The following CLEC16A variants were observed in gnomAD, a reference collection of about 807,000 sequenced individuals.
CLEC16A encodes C-type lectin domain containing 16A, also known as protein CLEC16A.
A neutral mutation model predicts 109.5 loss-of-function variants in CLEC16A; 51 were observed. The ratio of observed to expected loss-of-function variants is 0.47; its 90% CI spans 0.37 to 0.59. The LOEUF is 0.59. Ranked by LOEUF, CLEC16A falls within the 20% of genes least tolerant of loss-of-function variation. The pLI is 0.00. For synonymous variants in CLEC16A, 673 were observed against 564.2 expected (o/e 1.19, Z -2.73); for missense variants, 1,339 against 1,394.0 (o/e 0.96, Z 0.63).
At chr16:10,964,024 G>A (rs2042381323) in intron 3 of CLEC16A, among the ~76,000 whole-genome samples, 1 of 152,252 alleles carries the variant, frequency 6.6e-6, no homozygotes, top group African/African-American at 2.4e-5. Flanking sequence ...GGCCCTGCCC[G>A]CCAGAAGTGG....
chr16:10,950,465 C>T (rs1328405222), intron 1 of CLEC16A, among the ~76,000 whole-genome samples: 1 of 152,204 alleles, frequency 6.6e-6, no homozygotes, highest in Non-Finnish European at 1.5e-5. Flanking sequence ...AGGGCTAAAG[C>T]CCTAAAGAAA....
chr16:11,158,444 G>A (rs1298882199), intron 22 of CLEC16A, among the ~76,000 whole-genome samples: 6 of 152,192 alleles, frequency 3.9e-5, no homozygotes, highest in Non-Finnish European at 7.3e-5. Context: ...TCTTAGGGCA[G>A]GCAGCTCTCC....
chr16:11,178,524 C>T lies in CLEC16A; in HGVS notation c.2996C>T (p.Ala999Val). 1 of 1,613,340 alleles carries T rather than the reference C, an allele frequency of 6.2e-7. No homozygotes were observed. Among genetic ancestry groups the T allele is most frequent in the Non-Finnish European group, 8.5e-7 (1 of 1,179,876 alleles). Residue 999 changes from alanine to valine, a missense_variant, in exon 24 of 24, where the codon GCT becomes GTT. Physicochemically the swap from Ala to Val is moderately conservative, Grantham distance 64 (BLOSUM62 0). Around this residue, in one of 3 missense-constraint regions of CLEC16A, gnomAD observed 1,061 missense variants for 1,006.8 expected, o/e 1.05. Transcript: ENST00000409790. This position sits in a 1 kb window ranked among gnomAD's most constrained non-coding sequence, Gnocchi z 6.5. ...PTISLLCEDTADTLSVESLTL... is the reference protein window; with the variant it reads ...PTISLLCEDTVDTLSVESLTL... ...ATTTCCCTGCTCTGCGAGGACACGG[C>T]TGACACGCTGAGCGTCGAATCGCTG...
chr16:11,036,544 C>CTTTTTT (rs71404440), intron 13 of CLEC16A, among the ~76,000 whole-genome samples: 12 of 131,902 alleles, frequency 9.1e-5, no homozygotes, highest in African/African-American at 1.8e-4. Context: ...TCTAATTTTC[C>CTTTTTT]TTTTTTTTTT....
intron 18 of CLEC16A, chr16:11,056,406 TATG>T (rs950986010): frequency 1.3e-5 from 2 of 152,160 alleles, no homozygotes; most frequent in Non-Finnish European, 2.9e-5. Context: ...AGCAGTCTAG[TATG>T]TAAGGTGGGA....
chr16:10,990,067 C>G (rs1195998493), intron 10 of CLEC16A, among the ~76,000 whole-genome samples: 2 of 152,150 alleles, frequency 1.3e-5, no homozygotes, highest in Non-Finnish European at 2.9e-5. Context: ...CCTGAAAATG[C>G]TAATAGGCTT....
intron 19 of CLEC16A, 138 bp from the exon 20 acceptor site, chr16:11,120,477 A>T: frequency 1.2e-6 from 1 of 821,492 alleles, no homozygotes; most frequent in Non-Finnish European, 1.8e-6. Flanking sequence ...AGGGACTCAG[A>T]CCTAGGTCTG....
chr16:11,017,231 G>A (rs893833660), intron 11 of CLEC16A, among the ~76,000 whole-genome samples: 2 of 152,106 alleles, frequency 1.3e-5, no homozygotes, highest in Non-Finnish European at 2.9e-5. Context: ...TAGACCAGTC[G>A]CTCATTTATC....
intron 11 of CLEC16A, among the ~76,000 whole-genome samples, chr16:11,017,719 GTCC>G (rs1432920588): frequency 6.6e-6 from 1 of 152,074 alleles, no homozygotes; most frequent in Non-Finnish European, 1.5e-5. Flanking sequence ...CCCCTCTGTG[GTCC>G]TCCTCCTCAA....
At chr16:10,981,345 G>A (rs1163724948) in intron 9 of CLEC16A, among the ~76,000 whole-genome samples, 1 of 152,208 alleles carries the variant, frequency 6.6e-6, no homozygotes, top group Non-Finnish European at 1.5e-5. Context: ...AATCATCATT[G>A]CTAACATTTA....
chr16:11,150,474 C>G (rs1437116698), intron 22 of CLEC16A, among the ~76,000 whole-genome samples: 1 of 152,174 alleles, frequency 6.6e-6, no homozygotes, highest in Non-Finnish European at 1.5e-5. Flanking sequence ...TAGTCTTTTT[C>G]TATCCCGGGC....
chr16:10,997,189 T>C (rs1339516212), intron 10 of CLEC16A, among the ~76,000 whole-genome samples: 1 of 152,234 alleles, frequency 6.6e-6, no homozygotes, highest in Non-Finnish European at 1.5e-5. Flanking sequence ...CTTGAACTTC[T>C]GGGCTCAAGT....
chr16:10,971,754 C>G (rs2042799528), intron 5 of CLEC16A, among the ~76,000 whole-genome samples: 1 of 152,242 alleles, frequency 6.6e-6, no homozygotes, highest in Non-Finnish European at 1.5e-5. Context: ...AGGGAAAAAG[C>G]CATTCCCCCA....
intron 11 of CLEC16A, among the ~76,000 whole-genome samples, chr16:11,008,733 G>A (rs955755514): frequency 6.6e-6 from 1 of 150,718 alleles, no homozygotes; most frequent in African/African-American, 2.5e-5. Flanking sequence ...GTTCACGCCT[G>A]TAATCCCAGC....
chr16:11,155,940 T>A (rs1382525235), intron 22 of CLEC16A, among the ~76,000 whole-genome samples: 3 of 152,174 alleles, frequency 2.0e-5, no homozygotes, highest in Non-Finnish European at 4.4e-5. Context: ...CTTTGTACAG[T>A]GCCACCTCCT....
chr16:10,995,775 G>C (rs140775716), intron 10 of CLEC16A, among the ~76,000 whole-genome samples: 3 of 152,300 alleles, frequency 2.0e-5, no homozygotes, highest in East Asian at 3.9e-4. Flanking sequence ...CTTGGGGCCA[G>C]GTCTGCCTGG....
chr16:11,134,400 C>T (rs1459409941), intron 22 of CLEC16A, among the ~76,000 whole-genome samples: 2 of 152,156 alleles, frequency 1.3e-5, no homozygotes, highest in African/African-American at 2.4e-5. Flanking sequence ...ACCCTGGAAG[C>T]TGGTATCACT....
intron 23 of CLEC16A, among the ~76,000 whole-genome samples, chr16:11,168,457 C>T (rs2068365929): frequency 1.3e-5 from 2 of 152,256 alleles, no homozygotes; most frequent in Admixed American, 1.3e-4. Flanking sequence ...GTGTAGGTCC[C>T]CATTCTTTAT....
At chr16:10,987,424 T>G (rs2043739678) in intron 10 of CLEC16A, among the ~76,000 whole-genome samples, 1 of 152,168 alleles carries the variant, frequency 6.6e-6, no homozygotes, top group Non-Finnish European at 1.5e-5. Flanking sequence ...GTTTAGGAGA[T>G]CTGTCCTCTC....
Sources: allele counts gnomAD v4.1 joint callset (sites outside exome capture counted in the v4.1 genomes callset), GRCh38; gene constraint gnomAD v4.1.1; regional missense constraint gnomAD v4.1.1; non-coding constraint Gnocchi (gnomAD v3.1); transcripts MANE v1.5; gene names NCBI Gene and HGNC (gene_info 2026-07-23, HGNC 2026-07-21).